Variants in LIFR observed in about 807,000 individuals in gnomAD.
The protein encoded by LIFR is LIF receptor subunit alpha, also known as leukemia inhibitory factor receptor.
In LIFR, 84 loss-of-function variants were observed where a neutral mutation model predicts 122.2. The observed-to-expected ratio is 0.69, with a 90% confidence interval of 0.58 to 0.82. The LOEUF (loss-of-function observed/expected upper bound fraction) is 0.82, where lower values mean the gene tolerates loss of function less well. LIFR is among the 40% of genes least tolerant of loss of function. LIFR has a pLI of 0.00. For missense variants in LIFR, 1,294 were observed against 1,311.6 expected (o/e 0.99, Z 0.21); for synonymous variants, 422 against 434.7 (o/e 0.97, Z 0.36).
At chr5:38,486,111 C>G in intron 16 of LIFR, 131 bp from the exon 17 acceptor site, 1 of 776,780 alleles carries the variant, frequency 1.3e-6, no homozygotes, top group Non-Finnish European at 2.2e-6. Flanking sequence ...GACTCTGGAG[C>G]TGCCACTACC....
intron 18 of LIFR, 26 bp from the exon 19 acceptor site, chr5:38,482,693 A>AGT: frequency 2.1e-6 from 2 of 956,362 alleles, no homozygotes; most frequent in South Asian, 3.3e-5. Context: ...TATTACAGTA[A>AGT]ATTTAATAGT....
chr5:38,569,783 A>C (rs1749150368), intron 1 of LIFR, among the ~76,000 whole-genome samples: 1 of 152,138 alleles, frequency 6.6e-6, no homozygotes. Flanking sequence ...ATCTATTAAA[A>C]TCCTATTCTT....
chr5:38,539,394 C>A (rs912117279), intron 1 of LIFR, among the ~76,000 whole-genome samples: 3 of 152,180 alleles, frequency 2.0e-5, no homozygotes, highest in Admixed American at 6.5e-5. Flanking sequence ...CTTCCACCCT[C>A]TTTTCCACTA....
intron 1 of LIFR, chr5:38,607,935 T>C (rs969475633): frequency 6.6e-6 from 1 of 152,242 alleles, no homozygotes; most frequent in Non-Finnish European, 1.5e-5. Context: ...AAATCTGGGA[T>C]TCTGCATTTA....
chr5:38,510,376 C>A (rs1745730184), intron 7 of LIFR, 88 bp downstream of exon 7: 1 of 1,154,854 alleles, frequency 8.7e-7, no homozygotes, highest in African/African-American at 1.7e-5. Context: ...AATCACTCCT[C>A]CCACCCCCCC....
At chr5:38,598,488 C>T (rs557833145), upstream of LIFR, among the ~76,000 whole-genome samples, 5 of 151,626 alleles carry the variant, frequency 3.3e-5, no homozygotes, top group Admixed American at 1.3e-4. Context: ...TTAGGTGATC[C>T]GCCTGCCTCG....
At chr5:38,555,638 T>C (rs986976202) in intron 1 of LIFR, among the ~76,000 whole-genome samples, 9 of 150,502 alleles carry the variant, frequency 6.0e-5, no homozygotes, top group Admixed American at 4.7e-4. Flanking sequence ...TTTGACTGCA[T>C]TAAACATTCA....
intron 2 of LIFR, among the ~76,000 whole-genome samples, chr5:38,529,577 T>A (rs752483782): frequency 6.6e-6 from 1 of 151,820 alleles, no homozygotes; most frequent in Non-Finnish European, 1.5e-5. Flanking sequence ...CACCATGGAA[T>A]ATGTAAGCAC....
intron 5 of LIFR, among the ~76,000 whole-genome samples, chr5:38,522,076 G>A (rs370827358): frequency 1.2e-4 from 18 of 152,152 alleles, no homozygotes; most frequent in African/African-American, 3.9e-4. Flanking sequence ...GCTGTGCTGC[G>A]GCCCTGCTAC....
chr5:38,579,351 A>T (rs74350165), intron 1 of LIFR: 1 of 152,218 alleles, frequency 6.6e-6, no homozygotes, highest in East Asian at 1.9e-4. Flanking sequence ...TAATATTTCT[A>T]CAGAAAAGGG....
At chr5:38,491,815 G>C (rs1307454058) in intron 14 of LIFR, among the ~76,000 whole-genome samples, 1 of 152,200 alleles carries the variant, frequency 6.6e-6, no homozygotes, top group Non-Finnish European at 1.5e-5. Flanking sequence ...CTCAAGCTCA[G>C]CCAACTGTGT....
chr5:38,509,892 G>A (rs866665209), intron 7 of LIFR, among the ~76,000 whole-genome samples: 2 of 152,282 alleles, frequency 1.3e-5, no homozygotes, highest in East Asian at 1.9e-4. Flanking sequence ...AGACTGTGGG[G>A]TGATCATGTT....
chr5:38,554,486 G>A (rs927592671), intron 1 of LIFR, among the ~76,000 whole-genome samples: 1 of 152,204 alleles, frequency 6.6e-6, no homozygotes, highest in Non-Finnish European at 1.5e-5. Context: ...ATATCACAAT[G>A]AAGAGATTAA....
At chr5:38,527,983 G>C (rs1746783500) in intron 3 of LIFR, among the ~76,000 whole-genome samples, 1 of 152,160 alleles carries the variant, frequency 6.6e-6, no homozygotes, top group South Asian at 2.1e-4. Context: ...CCTTAGGGCT[G>C]GGTGCTTAGG....
intron 5 of LIFR, among the ~76,000 whole-genome samples, chr5:38,513,272 A>C (rs1052093310): frequency 2.0e-5 from 3 of 152,224 alleles, no homozygotes; most frequent in African/African-American, 7.2e-5. Context: ...AATCTTAAGC[A>C]TCCAATGGGA....
chr5:38,550,138 T>C (rs1748123018), intron 1 of LIFR: 4 of 323,792 alleles, frequency 1.2e-5, no homozygotes, highest in Non-Finnish European at 1.8e-5. Flanking sequence ...TAATACAAAA[T>C]TGCCCTCCTG....
chr5:38,491,203 C>T (rs1394786158), intron 14 of LIFR, among the ~76,000 whole-genome samples: 1 of 152,202 alleles, frequency 6.6e-6, no homozygotes. Flanking sequence ...CATAGAGGTA[C>T]TTCCAATTGA....
chr5:38,566,993 T>A (rs1267258964), intron 1 of LIFR, among the ~76,000 whole-genome samples: 1 of 152,180 alleles, frequency 6.6e-6, no homozygotes, highest in East Asian at 1.9e-4. Context: ...AGGCACATCA[T>A]CAGCTCCTGG....
chr5:38,567,940 TG>T (rs1749082019), intron 1 of LIFR, among the ~76,000 whole-genome samples: 1 of 152,198 alleles, frequency 6.6e-6, no homozygotes, highest in Non-Finnish European at 1.5e-5. Flanking sequence ...CTGGGTACTA[TG>T]AGTAACTGTC....
Sources: allele counts gnomAD v4.1 joint callset (sites outside exome capture counted in the v4.1 genomes callset), GRCh38; gene constraint gnomAD v4.1.1; transcripts MANE v1.5; gene names NCBI Gene and HGNC (gene_info 2026-07-23, HGNC 2026-07-21).